SUMF1: variants seen among roughly 807,000 people sequenced by gnomAD.
The protein encoded by SUMF1 is sulfatase modifying factor 1.
A neutral mutation model predicts 47.6 loss-of-function variants in SUMF1; 48 were observed. The observed-to-expected ratio is 1.01, with a 90% CI of 0.80 to 1.28. The LOEUF is 1.28. Ranked by LOEUF, SUMF1 falls within the 50% of genes most tolerant of loss-of-function variation. The probability of loss-of-function intolerance (pLI) is 0.00; values close to 1 mark genes in which losing one functional copy is unlikely to be tolerated. For missense variants in SUMF1, 571 were observed against 485.4 expected, an observed-to-expected ratio of 1.18 and a Z score of -1.66; for synonymous variants, 230 against 192.1, an observed-to-expected ratio of 1.20 and a Z score of -1.63.
At chr3:4,322,622 T>G (rs1698860753) in intron 8 of SUMF1, among the ~76,000 whole-genome samples, 1 of 150,994 alleles carries the variant, frequency 6.6e-6, no homozygotes, top group African/African-American at 2.4e-5. Flanking sequence ...ATCCTACCAC[T>G]GCACTTCAGC....
rs370856703 is a variant in SUMF1 at position 4,249,011 on chromosome 3, C to A, written c.1014+127319G>T. Among the ~76,000 whole-genome samples the A allele has an allele frequency of 3.9e-5, 6 of 152,322 alleles. No individual in the cohort carries two copies. The East Asian group carries it at 7.7e-4, about 20-fold the overall frequency. ...CATCTGCATGATCTTTCGTCCCCTT[C>A]TCCTTCACTTCTCACTGAGTGGCCT... On this transcript the variant is annotated intron_variant and NMD_transcript_variant, in intron 8 of 12. Transcript: ENST00000448413.
At chr3:4,124,595 A>C (rs574524740) in intron 8 of SUMF1, among the ~76,000 whole-genome samples, 1 of 138,810 alleles carries the variant, frequency 7.2e-6, no homozygotes, top group African/African-American at 3.0e-5. Context: ...TGAATGAAGG[A>C]AAAAAAAAAA....
chr3:4,251,380 G>C (rs1006354553), intron 8 of SUMF1, among the ~76,000 whole-genome samples: 1 of 152,170 alleles, frequency 6.6e-6, no homozygotes, highest in Admixed American at 6.5e-5. Context: ...ATCTACTCCT[G>C]GTGAAGATGC....
chr3:4,099,374 A>G (rs976914510), intron 8 of SUMF1, among the ~76,000 whole-genome samples: 1 of 152,136 alleles, frequency 6.6e-6, no homozygotes, highest in African/African-American at 2.4e-5. Context: ...CGATCATCTC[A>G]ATAGATGCAG....
At chr3:4,076,948 G>A (rs1232207136) in intron 8 of SUMF1, among the ~76,000 whole-genome samples, 2 of 152,010 alleles carry the variant, frequency 1.3e-5, no homozygotes, top group African/African-American at 2.4e-5. Flanking sequence ...AGCTTGCAGT[G>A]AGCCGAGATC....
In SUMF1 at chr3:4,217,899, A is replaced by G. The variant is rs988784931; in HGVS notation, c.1015-149154T>C. ...TTCATATGGTCTTTGAAAGATAGGT[A>G]AGGTCTGATTTGGGACACCTACTTT... On this transcript the variant is annotated intron_variant and NMD_transcript_variant, in intron 8 of 12. Transcript: ENST00000448413. 5.3e-5 allele frequency among the ~76,000 whole-genome samples: 8 copies of G among 152,110 alleles called. No homozygotes were observed. The South Asian group carries it at 1.5e-3, about 28-fold the overall frequency.
At chr3:4,466,835 T>A (rs2079960785) in intron 1 of SUMF1, 141 bp downstream of exon 1, 2 of 1,307,398 alleles carry the variant, frequency 1.5e-6, no homozygotes, top group Non-Finnish European at 2.1e-6. Flanking sequence ...AAGGAACTCC[T>A]CATACGGGAA....
intron 9 of SUMF1, among the ~76,000 whole-genome samples, chr3:4,061,494 A>G (rs1022536383): frequency 6.6e-6 from 1 of 151,738 alleles, no homozygotes; most frequent in African/African-American, 2.4e-5. Flanking sequence ...TGCTATATAA[A>G]CCCCTGATTT....
chr3:4,348,931 A>G (rs1457928759), intron 8 of SUMF1, among the ~76,000 whole-genome samples: 1 of 152,220 alleles, frequency 6.6e-6, no homozygotes, highest in Non-Finnish European at 1.5e-5. Flanking sequence ...CATTAAGGAC[A>G]TAGGCATGGG....
chr3:4,112,561 G>C (rs1196806092), intron 8 of SUMF1, among the ~76,000 whole-genome samples: 3 of 152,076 alleles, frequency 2.0e-5, no homozygotes, highest in Admixed American at 1.3e-4. Flanking sequence ...AAAGTATCTT[G>C]TGACCATCAT....
intron 8 of SUMF1, among the ~76,000 whole-genome samples, chr3:4,212,059 A>G (rs897513483): frequency 5.9e-5 from 9 of 152,214 alleles, no homozygotes; most frequent in African/African-American, 1.7e-4. Flanking sequence ...CAGACCTCCC[A>G]GCACAGCATT....
intron 7 of SUMF1, among the ~76,000 whole-genome samples, chr3:4,401,874 G>A (rs1031769305): frequency 1.1e-4 from 17 of 152,100 alleles, no homozygotes; most frequent in African/African-American, 4.1e-4. Flanking sequence ...GTGATACACT[G>A]TGAAAAGGTA....
intron 8 of SUMF1, among the ~76,000 whole-genome samples, chr3:4,137,726 G>T (rs949753821): frequency 6.6e-6 from 1 of 152,042 alleles, no homozygotes; most frequent in African/African-American, 2.4e-5. Flanking sequence ...AAAGACTGAA[G>T]CTTTTCCTTT....
chr3:4,432,136 C>A (rs1702253116), intron 3 of SUMF1, among the ~76,000 whole-genome samples: 1 of 151,938 alleles, frequency 6.6e-6, no homozygotes, highest in African/African-American at 2.4e-5. Context: ...ATAATCATAA[C>A]TCATTCACCT....
chr3:4,266,006 T>C (rs1697186679), intron 8 of SUMF1, among the ~76,000 whole-genome samples: 1 of 152,132 alleles, frequency 6.6e-6, no homozygotes, highest in Non-Finnish European at 1.5e-5. Context: ...CCATTGCTTG[T>C]TTTTCTCAGG....
Position 4,411,255 on chromosome 3 carries a change from C to A in SUMF1, c.841-277G>T, listed in dbSNP as rs4630929. Among the ~76,000 whole-genome samples the A allele has an allele frequency of 0.019, 2,860 of 152,074 alleles. 36 individuals are homozygous for A. The highest frequency in any genetic ancestry group is 0.031 in the African/African-American group (1,297 of 41,462). Reference sequence around the variant, plus strand: ...CTAATAGAGTTACTAATATTATCATCAATCAAAAATTTGTGTCAAACATTG... The same window carrying A: ...CTAATAGAGTTACTAATATTATCATAAATCAAAAATTTGTGTCAAACATTG... On this transcript the variant is annotated intron_variant, in intron 6 of 8. Transcript: ENST00000272902.
intron 8 of SUMF1, among the ~76,000 whole-genome samples, chr3:4,297,257 C>G (rs761788937): frequency 1.3e-5 from 2 of 152,176 alleles, no homozygotes; most frequent in African/African-American, 2.4e-5. Context: ...CATGTTCTCA[C>G]AAGGGAAATG....
At chr3:4,157,430 T>A (rs185678177) in intron 8 of SUMF1, among the ~76,000 whole-genome samples, 1 of 151,652 alleles carries the variant, frequency 6.6e-6, no homozygotes, top group Non-Finnish European at 1.5e-5. Context: ...AGGTATTTTA[T>A]TCTGTTCCAT....
In SUMF1 at chr3:4,090,636, C is replaced by A. The variant is rs183566186; in HGVS notation, c.1015-21891G>T. 2.3e-3 allele frequency among the ~76,000 whole-genome samples: 354 copies of A among 152,164 alleles called. 6 individuals carry two copies. The highest frequency in any genetic ancestry group is 8.0e-3 in the African/African-American group (331 of 41,474). ...GTGCAGTATAAAAGCATCCAGCAAA[C>A]CCCCCATATTTGTTATTGTTTGTTT... On this transcript the variant is annotated intron_variant and NMD_transcript_variant, in intron 8 of 12. Coordinates refer to the SUMF1 transcript ENST00000448413.
Sources: gnomAD v4.1 joint callset for allele counts (sites outside exome capture counted in the v4.1 genomes callset) on GRCh38, gnomAD v4.1.1 for gene constraint, MANE v1.5 for transcripts, NCBI Gene and HGNC (gene_info 2026-07-23, HGNC 2026-07-21) for gene names.